PPM1A: variants seen among roughly 807,000 people sequenced by gnomAD.
PPM1A encodes the protein protein phosphatase, Mg2+/Mn2+ dependent 1A.
Under a neutral mutation model 35.0 loss-of-function variants are expected in PPM1A, and 7 were observed. The ratio of observed to expected loss-of-function variants is 0.20; its 90% CI spans 0.11 to 0.38. The LOEUF (loss-of-function observed/expected upper bound fraction) is 0.38. PPM1A is among the 10% of genes least tolerant of loss of function. The pLI is 1.00. For missense variants in PPM1A, 239 were observed against 467.8 expected, an observed-to-expected ratio of 0.51 and a Z score of 4.51; for synonymous variants, 153 against 167.3, an observed-to-expected ratio of 0.91 and a Z score of 0.66.
rs554684593 is a variant in PPM1A, at chr14:60,297,042, T to C, written c.*4560T>C. 94 of 176,184 alleles carry C rather than the reference T, an allele frequency of 5.3e-4. No individual in the cohort carries two copies. The highest frequency in any genetic ancestry group is 1.7e-3 in the African/African-American group (74 of 42,830). 10.9% of individuals were successfully genotyped at this position (176,184 alleles called of 1,614,324 possible). A position where few individuals can be genotyped will look rare whatever the true frequency, so the allele number is the denominator to read the frequency against. Reference sequence around the variant, plus strand: ...ATGGAGAAAAAAGATTAAGTTGATATAACAACAAAGTGGACTTTTTTTCTT... The same window carrying C: ...ATGGAGAAAAAAGATTAAGTTGATACAACAACAAAGTGGACTTTTTTTCTT... On this transcript the variant is annotated 3_prime_UTR_variant, in exon 6 of 6. Coordinates refer to ENST00000395076, the MANE Select transcript of PPM1A (RefSeq NM_021003.5).
At chr14:60,267,341 G>A (rs1202225125) in intron 1 of PPM1A, 1 of 152,066 alleles carries the variant, frequency 6.6e-6, no homozygotes, top group African/African-American at 2.4e-5. Context: ...TTCAGAATAT[G>A]ATGAGATGAT....
At chr14:60,288,238 T>A (rs967090836) in intron 3 of PPM1A, 1 of 967,154 alleles carries the variant, frequency 1.0e-6, no homozygotes, top group Admixed American at 6.2e-5. Context: ...TAAAATATCC[T>A]AATTTATATT....
intron 1 of PPM1A, among the ~76,000 whole-genome samples, chr14:60,274,241 A>G (rs190358502): frequency 1.9e-4 from 29 of 152,236 alleles, no homozygotes; most frequent in African/African-American, 6.0e-4. Flanking sequence ...GTTATAGTTG[A>G]ATGCTTCTGT....
chr14:60,284,787 A>G (rs963608298), intron 2 of PPM1A, among the ~76,000 whole-genome samples: 3 of 151,032 alleles, frequency 2.0e-5, no homozygotes, highest in African/African-American at 7.3e-5. Flanking sequence ...TACAGATATT[A>G]TAAATGACGT....
chr14:60,263,428 ATTATT>A (rs1414923778), intron 1 of PPM1A, among the ~76,000 whole-genome samples: 1 of 152,062 alleles, frequency 6.6e-6, no homozygotes, highest in Non-Finnish European at 1.5e-5. Context: ...TGGCAACTTT[ATTATT>A]TTATTTCTTC....
rs1017676056 is a variant in PPM1A at position 60,249,222 on chromosome 14, G to C, written c.-476G>C. 4 of 987,794 alleles carry C rather than the reference G, an allele frequency of 4.0e-6. No individual in the cohort carries two copies. Among genetic ancestry groups the C allele is most frequent in the Middle Eastern group, 5.1e-4 (1 of 1,946 alleles). The allele number at this position is 987,794 out of a possible 1,614,324, so 61.2% of individuals were successfully genotyped here. ...AGCGCGCCTGCGCGGGGCCGCGCTA[G>C]AGGCGGCGGCGGCGGCGGTGGCGGC... is the stretch of plus-strand genomic sequence containing the variant. On this transcript the variant is annotated 5_prime_UTR_variant, in exon 1 of 6. Coordinates refer to ENST00000395076, the MANE Select transcript of PPM1A (RefSeq NM_021003.5). The surrounding 1 kb of genome is among the most constrained non-coding windows in gnomAD (Gnocchi z 4.5).
intron 1 of PPM1A, among the ~76,000 whole-genome samples, chr14:60,268,696 G>T: frequency 6.7e-6 from 1 of 149,338 alleles, no homozygotes; most frequent in African/African-American, 2.5e-5. Context: ...ACACACTATT[G>T]CTGGCTTAAA....
intron 3 of PPM1A, among the ~76,000 whole-genome samples, chr14:60,288,928 G>A (rs1178653595): frequency 6.6e-6 from 1 of 152,046 alleles, no homozygotes; most frequent in Non-Finnish European, 1.5e-5. Flanking sequence ...TGCAAGTGAA[G>A]ACTTTTTATA....
chr14:60,264,859 G>C (rs965857030), intron 1 of PPM1A, among the ~76,000 whole-genome samples: 15 of 151,520 alleles, frequency 9.9e-5, no homozygotes, highest in African/African-American at 3.6e-4. Flanking sequence ...TTTGATTTCT[G>C]CCTATTTTTA....
At chr14:60,287,421 T>A in intron 3 of PPM1A, 1 of 983,838 alleles carries the variant, frequency 1.0e-6, no homozygotes, top group South Asian at 4.7e-5. Flanking sequence ...AGACTGCAAC[T>A]AGAGAATAAA....
chr14:60,251,705 A>C (rs1179748795), intron 1 of PPM1A, among the ~76,000 whole-genome samples: 1 of 152,176 alleles, frequency 6.6e-6, no homozygotes, highest in African/African-American at 2.4e-5. Context: ...TCAGTGTTCT[A>C]AGGCTGGATT....
At chr14:60,262,869 T>C (rs1280897338) in intron 1 of PPM1A, among the ~76,000 whole-genome samples, 1 of 152,218 alleles carries the variant, frequency 6.6e-6, no homozygotes, top group South Asian at 2.1e-4. Context: ...CTGATTCTCT[T>C]AGTGCAATAA....
intron 1 of PPM1A, among the ~76,000 whole-genome samples, chr14:60,255,216 G>C (rs1289327166): frequency 1.1e-4 from 15 of 139,288 alleles, no homozygotes; most frequent in African/African-American, 4.2e-4. Flanking sequence ...CTGTCGCCCA[G>C]GCTGGAGTGC....
intron 3 of PPM1A, chr14:60,286,264 A>G (rs1444928722): frequency 1.4e-5 from 14 of 985,846 alleles, no homozygotes; most frequent in Admixed American, 6.1e-5. Context: ...TCCCTAAGCC[A>G]TAAACTGTCT....
intron 1 of PPM1A, chr14:60,250,315 C>A (rs1032527351): frequency 4.2e-6 from 2 of 476,098 alleles, no homozygotes; most frequent in Non-Finnish European, 5.5e-6. Flanking sequence ...CTTTTAACTA[C>A]GTAAATCGGG....
intron 1 of PPM1A, among the ~76,000 whole-genome samples, chr14:60,264,649 C>A (rs1310010000): frequency 6.6e-6 from 1 of 152,026 alleles, no homozygotes; most frequent in Non-Finnish European, 1.5e-5. Flanking sequence ...TAGAAAATTC[C>A]TTAGCCTTCA....
intron 1 of PPM1A, among the ~76,000 whole-genome samples, chr14:60,271,654 C>G (rs755517087): frequency 1.8e-4 from 28 of 152,162 alleles, no homozygotes; most frequent in Non-Finnish European, 2.9e-4. Flanking sequence ...AGGTCAAATT[C>G]AGGTTATCAG....
chr14:60,249,021 G>A (rs1357863679), upstream of PPM1A, among the ~76,000 whole-genome samples: 2 of 152,132 alleles, frequency 1.3e-5, no homozygotes, highest in African/African-American at 4.8e-5. The surrounding 1 kb of genome is among the most constrained non-coding windows in gnomAD (Gnocchi z 4.5). Flanking sequence ...GAAAGAAGCT[G>A]GGTAAGGCAG....
At chr14:60,248,349 T>A (rs1881927045), upstream of PPM1A, among the ~76,000 whole-genome samples, 1 of 152,128 alleles carries the variant, frequency 6.6e-6, no homozygotes, top group Non-Finnish European at 1.5e-5. Context: ...TCGTTGGAGG[T>A]CCCCTGGGAC....
Sources: gnomAD v4.1 joint callset for allele counts (sites outside exome capture counted in the v4.1 genomes callset) on GRCh38, gnomAD v4.1.1 for gene constraint, Gnocchi (gnomAD v3.1) non-coding constraint, MANE v1.5 for transcripts, NCBI Gene and HGNC (gene_info 2026-07-23, HGNC 2026-07-21) for gene names.